The following SCHIP1 variants were observed in gnomAD, a reference collection of about 807,000 sequenced individuals.
SCHIP1 encodes the protein schwannomin interacting protein 1.
In SCHIP1, 8 loss-of-function variants were observed where a neutral mutation model predicts 29.7. The ratio of observed to expected loss-of-function variants is 0.27; its 90% CI spans 0.16 to 0.49. The LOEUF is 0.49. Among genes scored for constraint, SCHIP1 ranks in the 20% least tolerant of loss-of-function variants. The pLI is 0.99. For synonymous variants in SCHIP1, 76 were observed against 94.9 expected (o/e 0.80, Z 1.16); for missense variants, 193 against 294.6 (o/e 0.66, Z 2.52).
chr3:159,539,131 G>A, the SCHIP1 span, among the ~76,000 whole-genome samples: 3 of 152,178 alleles, frequency 2.0e-5, no homozygotes, highest in East Asian at 5.8e-4. Context: ...CATAAAGATG[G>A]CATATTAGAG....
chr3:159,624,046 G>T, the SCHIP1 span, among the ~76,000 whole-genome samples: 3 of 152,092 alleles, frequency 2.0e-5, no homozygotes, highest in African/African-American at 4.8e-5. Flanking sequence ...AGAACAAATT[G>T]TTACTATTTC....
At chr3:159,451,541 C>A in the SCHIP1 span, among the ~76,000 whole-genome samples, 1 of 152,180 alleles carries the variant, frequency 6.6e-6, no homozygotes, top group Admixed American at 6.5e-5. Context: ...TTAGATTATA[C>A]CATTTCTGTT....
At chr3:159,738,407 T>C in the SCHIP1 span, among the ~76,000 whole-genome samples, 1 of 152,212 alleles carries the variant, frequency 6.6e-6, no homozygotes, top group African/African-American at 2.4e-5. Flanking sequence ...TTGCCTTATA[T>C]TGAAATAATC....
chr3:159,866,084 A>G, intron 1 of SCHIP1, 79 bp from the exon 3 acceptor site: 1 of 1,230,104 alleles, frequency 8.1e-7, no homozygotes, highest in Non-Finnish European at 1.2e-6. Context: ...CAGTTCTAAG[A>G]AACTTAGCAA....
chr3:159,593,814 C>T, the SCHIP1 span, among the ~76,000 whole-genome samples: 14 of 152,324 alleles, frequency 9.2e-5, no homozygotes, highest in Admixed American at 5.9e-4. Context: ...TTGCATAGAT[C>T]ATGCTACTGC....
the SCHIP1 span, among the ~76,000 whole-genome samples, chr3:159,805,387 C>T: frequency 1.8e-3 from 278 of 152,276 alleles, 1 homozygote; most frequent in South Asian, 8.9e-3. Flanking sequence ...GGGTTTACCT[C>T]TCATGAGAAT....
At chr3:159,729,164 G>T in the SCHIP1 span, among the ~76,000 whole-genome samples, 2 of 151,172 alleles carry the variant, frequency 1.3e-5, no homozygotes, top group Non-Finnish European at 3.0e-5. Context: ...GAAAAGAAAA[G>T]AAAAAAAGAA....
intron 1 of SCHIP1, among the ~76,000 whole-genome samples, chr3:159,859,099 T>C (rs1713741703): frequency 1.3e-5 from 2 of 152,326 alleles, no homozygotes; most frequent in African/African-American, 2.4e-5. Flanking sequence ...CCACTACCAA[T>C]TAAAAAGCAC....
At chr3:159,799,760 G>A in the SCHIP1 span, among the ~76,000 whole-genome samples, 2 of 152,226 alleles carry the variant, frequency 1.3e-5, no homozygotes, top group African/African-American at 2.4e-5. Context: ...TAGGACAGGA[G>A]GGATGGGTTG....
the SCHIP1 span, among the ~76,000 whole-genome samples, chr3:159,493,820 C>T: frequency 6.6e-6 from 1 of 152,198 alleles, no homozygotes; most frequent in Non-Finnish European, 1.5e-5. Flanking sequence ...CACCACACCA[C>T]ACCAATTCCA....
chr3:159,440,435 C>T, the SCHIP1 span, among the ~76,000 whole-genome samples: 1 of 152,096 alleles, frequency 6.6e-6, no homozygotes, highest in Non-Finnish European at 1.5e-5. Flanking sequence ...TCATTGTTTT[C>T]TGCCTGGTGG....
the SCHIP1 span, among the ~76,000 whole-genome samples, chr3:159,582,669 A>T: frequency 6.6e-6 from 1 of 152,064 alleles, no homozygotes; most frequent in African/African-American, 2.4e-5. Context: ...CTGGGAAACT[A>T]AAAAATATAT....
chr3:159,495,044 CA>C, the SCHIP1 span, among the ~76,000 whole-genome samples: 1 of 152,142 alleles, frequency 6.6e-6, no homozygotes, highest in Admixed American at 6.5e-5. Flanking sequence ...AGGCCTTTGA[CA>C]AAATTCAACA....
chr3:159,860,515 C>G (rs1265259718), intron 1 of SCHIP1, among the ~76,000 whole-genome samples: 1 of 152,148 alleles, frequency 6.6e-6, no homozygotes, highest in Non-Finnish European at 1.5e-5. Context: ...AAAGAGGATG[C>G]TAGACGTGGT....
chr3:159,423,931 C>T, the SCHIP1 span, among the ~76,000 whole-genome samples: 1 of 152,078 alleles, frequency 6.6e-6, no homozygotes, highest in Non-Finnish European at 1.5e-5. Context: ...AACACCGCTG[C>T]TGATACCCAG....
At chr3:159,599,127 G>C in the SCHIP1 span, among the ~76,000 whole-genome samples, 42 of 152,056 alleles carry the variant, frequency 2.8e-4, no homozygotes, top group Middle Eastern at 3.4e-3. Context: ...AGGGGTTTTT[G>C]TTTCTTAGTC....
At chr3:159,432,522 C>A in the SCHIP1 span, among the ~76,000 whole-genome samples, 2 of 152,148 alleles carry the variant, frequency 1.3e-5, no homozygotes, top group African/African-American at 4.8e-5. Context: ...CCAGGCTCTA[C>A]CACTTGAAAT....
chr3:159,382,855 C>T, the SCHIP1 span, among the ~76,000 whole-genome samples: 1 of 152,068 alleles, frequency 6.6e-6, no homozygotes, highest in African/African-American at 2.4e-5. Flanking sequence ...CTATGATGGC[C>T]AGTGATGGTG....
chr3:159,519,670 T>A, the SCHIP1 span, among the ~76,000 whole-genome samples: 3 of 152,104 alleles, frequency 2.0e-5, no homozygotes, highest in South Asian at 6.2e-4. Flanking sequence ...TTTCTTTTTT[T>A]AAAGTAAAAT....
Sources: gnomAD v4.1 joint callset for allele counts (sites outside exome capture counted in the v4.1 genomes callset) on GRCh38, gnomAD v4.1.1 for gene constraint, MANE v1.5 for transcripts, NCBI Gene and HGNC (gene_info 2026-07-23, HGNC 2026-07-21) for gene names.